SLCO1C1: variants seen among roughly 807,000 people sequenced by gnomAD.
SLCO1C1 encodes OAT-RP-5.
A neutral mutation model predicts 76.4 loss-of-function variants in SLCO1C1; 70 were observed. The ratio of observed to expected loss-of-function variants is 0.92; its 90% CI spans 0.76 to 1.12. The LOEUF (loss-of-function observed/expected upper bound fraction) is 1.12. SLCO1C1 is among the 50% of genes most tolerant of loss of function. The pLI is 0.00. For synonymous variants in SLCO1C1, 306 were observed against 286.1 expected (o/e 1.07, Z -0.70); for missense variants, 912 against 823.8 (o/e 1.11, Z -1.31).
At chr12:20,697,994 G>A (rs755401332) in intron 1 of SLCO1C1, among the ~76,000 whole-genome samples, 5 of 151,938 alleles carry the variant, frequency 3.3e-5, no homozygotes, top group African/African-American at 1.2e-4. Flanking sequence ...TCTTTGTTTA[G>A]GGAATAGTTT....
chr12:20,699,802 TAAAA>T, intron 2 of SLCO1C1, 97 bp downstream of exon 2: 1 of 1,039,184 alleles, frequency 9.6e-7, no homozygotes, highest in Non-Finnish European at 1.3e-6. Context: ...TTTTCTCCTT[TAAAA>T]AAAAAAAAAG....
At chr12:20,728,574 T>G (rs915885602) in intron 9 of SLCO1C1, among the ~76,000 whole-genome samples, 1 of 151,692 alleles carries the variant, frequency 6.6e-6, no homozygotes, top group Non-Finnish European at 1.5e-5. Flanking sequence ...GAGAATAATT[T>G]GAAGGAAAGT....
intron 5 of SLCO1C1, among the ~76,000 whole-genome samples, chr12:20,714,745 G>C (rs1021727845): frequency 3.3e-5 from 5 of 152,062 alleles, no homozygotes; most frequent in Non-Finnish European, 5.9e-5. Context: ...AGGTGAGAAA[G>C]ACTTGTTCAA....
chr12:20,705,250 A>G (rs1946717109), intron 3 of SLCO1C1, among the ~76,000 whole-genome samples: 1 of 151,982 alleles, frequency 6.6e-6, no homozygotes, highest in Admixed American at 6.6e-5. Context: ...ATATTTTTAA[A>G]CCATTTTTCA....
intron 9 of SLCO1C1, among the ~76,000 whole-genome samples, chr12:20,728,612 G>A (rs1948134847): frequency 6.6e-6 from 1 of 151,016 alleles, no homozygotes; most frequent in African/African-American, 2.4e-5. Flanking sequence ...ATTTTTTTTT[G>A]TGAAGGTCCA....
At chr12:20,743,029 T>G (rs995427815) in intron 12 of SLCO1C1, among the ~76,000 whole-genome samples, 16 of 152,188 alleles carry the variant, frequency 1.1e-4, no homozygotes, top group Non-Finnish European at 1.5e-4. Context: ...GCTATTTTGG[T>G]AATTAAATTT....
chr12:20,735,469 T>C (rs933671675), intron 10 of SLCO1C1, among the ~76,000 whole-genome samples: 3 of 152,166 alleles, frequency 2.0e-5, no homozygotes, highest in Non-Finnish European at 2.9e-5. Context: ...CCTTCTATAA[T>C]CTCAGCCCTA....
rs563746458 is a variant in SLCO1C1, at chr12:20,750,273, T to A, written c.1799-402T>A. 2.6e-5 allele frequency among the ~76,000 whole-genome samples: 4 copies of A among 152,272 alleles called. No individual in the cohort carries two copies. In the East Asian group the frequency reaches 7.7e-4, roughly 29 times the overall value. ...GAAAGAAGAGAAAGTGTTTAAGATA[T>A]ACCTAATAGATAGACTCAGTATGAT... On this transcript the variant is annotated intron_variant, in intron 13 of 14. Transcript: ENST00000266509.
rs1947303140 is a variant in SLCO1C1, at chr12:20,715,131, C to A, written c.530-8C>A. The A allele has an allele frequency of 6.2e-7, 1 of 1,613,530 alleles. No homozygotes were observed. The highest frequency in any genetic ancestry group is 2.2e-5 in the East Asian group (1 of 44,850). Reference sequence around the variant, plus strand: ...ATTTTCAATCCTCTGGTTTGCCTTTCTTTCAAGAATGTGAAGTGGACACTA... The same window carrying A: ...ATTTTCAATCCTCTGGTTTGCCTTTATTTCAAGAATGTGAAGTGGACACTA... On this transcript the variant is annotated splice_polypyrimidine_tract_variant and splice_region_variant and intron_variant, in intron 5 of 14. Transcript: ENST00000266509.
At chr12:20,749,012 C>A (rs561726368) in intron 13 of SLCO1C1, among the ~76,000 whole-genome samples, 2 of 152,276 alleles carry the variant, frequency 1.3e-5, no homozygotes, top group African/African-American at 4.8e-5. Flanking sequence ...TCCCAAAAAT[C>A]TTTCACCCAA....
At chr12:20,746,443 A>T (rs1352584322) in intron 13 of SLCO1C1, among the ~76,000 whole-genome samples, 1 of 151,804 alleles carries the variant, frequency 6.6e-6, no homozygotes, top group Non-Finnish European at 1.5e-5. Context: ...CTTCTTCGAG[A>T]AAAACCCAAA....
At chr12:20,729,990 C>T (rs1056097512) in intron 9 of SLCO1C1, among the ~76,000 whole-genome samples, 4 of 152,048 alleles carry the variant, frequency 2.6e-5, no homozygotes, top group Non-Finnish European at 4.4e-5. Context: ...TTTCAGTTCT[C>T]AGGCTATTCT....
rs570639724 is a variant in SLCO1C1 at position 20,722,767 on chromosome 12, G to C, written c.1022-323G>C. 6.6e-5 allele frequency among the ~76,000 whole-genome samples: 10 copies of C among 152,336 alleles called. No individual in the cohort carries two copies. In the East Asian group the frequency reaches 1.7e-3, roughly 26 times the overall value. Reference sequence around the variant, plus strand: ...TCCTGCCTGTGGCTCCCAGCTAGATGATGAGGGAGTATTCTCATCCTTTTC... The same window carrying C: ...TCCTGCCTGTGGCTCCCAGCTAGATCATGAGGGAGTATTCTCATCCTTTTC... On this transcript the variant is annotated intron_variant, in intron 8 of 14. Transcript: ENST00000266509.
At chr12:20,733,138 G>T in intron 10 of SLCO1C1, 34 bp downstream of exon 10, 5 of 1,487,998 alleles carry the variant, frequency 3.4e-6, no homozygotes, top group Non-Finnish European at 4.5e-6. Context: ...TGAGGATATT[G>T]GTTTGTTTAA....
At position 20,723,139 on chromosome 12, in the gene SLCO1C1, A is replaced by G. The variant is rs866538934; in HGVS notation, c.1071A>G (p.Leu357=). Residue 357 remains leucine, a synonymous_variant, in exon 9 of 15, where the codon CTA becomes CTG. Transcript: ENST00000266509. ...KNLFGNPVYF[L]YLCTSTVQFN... Reference sequence around the variant, plus strand: ...TTTTTGGAAACCCAGTATACTTCCTATATTTATGTACAAGCACTGTTCAGT... The same window carrying G: ...TTTTTGGAAACCCAGTATACTTCCTGTATTTATGTACAAGCACTGTTCAGT... 1.2e-6 allele frequency: 2 copies of G among 1,612,716 alleles called. No individual in the cohort carries two copies. The highest frequency in any genetic ancestry group is 1.1e-5 in the South Asian group (1 of 90,764).
rs1375921873 is a variant in SLCO1C1, at chr12:20,711,392, A to T, written c.411A>T (p.Lys137Asn). Residue 137 changes from lysine to asparagine, a missense_variant, in exon 5 of 15, where the codon AAA (lysine) becomes AAT (asparagine). By Grantham distance (94) the Lys-to-Asn change is moderately conservative (BLOSUM62 0). Coordinates refer to ENST00000266509, the MANE Select transcript of SLCO1C1 (RefSeq NM_017435.5). ...AMPQFFMEQY[K>N]YERYSPSSNS... ...AAACATTCCTCTTATGCAGGTACAAATATGAGAGATATTCTCCTTCCTCCA... is the reference window on the plus strand; with the variant it reads ...AAACATTCCTCTTATGCAGGTACAATTATGAGAGATATTCTCCTTCCTCCA... The T allele has an allele frequency of 6.2e-7, 1 of 1,612,226 alleles. No individual in the cohort carries two copies. The highest frequency in any genetic ancestry group is 2.2e-5 in the East Asian group (1 of 44,846).
chr12:20,740,717 A>C (rs1046734091), intron 12 of SLCO1C1, among the ~76,000 whole-genome samples: 1 of 147,362 alleles, frequency 6.8e-6, no homozygotes, highest in Non-Finnish European at 1.5e-5. Context: ...AGTTTCACCA[A>C]GTCATGGGAA....
At position 20,695,607 on chromosome 12, in the gene SLCO1C1, T is replaced by C. The variant is rs891280434; in HGVS notation, c.-226T>C. 1.3e-5 allele frequency: 2 copies of C among 152,110 alleles called. No individual in the cohort carries two copies. The highest frequency in any genetic ancestry group is 4.8e-5 in the African/African-American group (2 of 41,410). 9.4% of individuals were successfully genotyped at this position (152,110 alleles called of 1,614,324 possible). ...AGAAAGAGGAAAGAGAAGAGATCGC[T>C]CAGGGGTGAGACCATGCCCTTCATC... On this transcript the variant is annotated 5_prime_UTR_variant, in exon 1 of 15. Coordinates refer to ENST00000266509, the MANE Select transcript of SLCO1C1 (RefSeq NM_017435.5).
intron 11 of SLCO1C1, 66 bp from the exon 12 acceptor site, chr12:20,740,118 C>A (rs2037154): frequency 0.67 from 944,430 of 1,412,988 alleles, 320,361 homozygotes; most frequent in East Asian, 0.76. Flanking sequence ...ACATTTTTAA[C>A]ATAACTGTCT....
Sources: allele counts gnomAD v4.1 joint callset (sites outside exome capture counted in the v4.1 genomes callset), GRCh38; gene constraint gnomAD v4.1.1; transcripts MANE v1.5; gene names NCBI Gene and HGNC (gene_info 2026-07-23, HGNC 2026-07-21).